CDH13: variants seen among roughly 807,000 people sequenced by gnomAD.
CDH13 encodes the protein cadherin 13.
Under a neutral mutation model 63.8 loss-of-function variants are expected in CDH13, and 24 were observed. That is an observed-to-expected ratio of 0.38 (90% CI 0.27 to 0.53). The LOEUF (loss-of-function observed/expected upper bound fraction) is 0.53. Among genes scored for constraint, CDH13 ranks in the 20% least tolerant of loss-of-function variants. The pLI, the probability that CDH13 is intolerant of heterozygous loss-of-function variation, is 0.85. For missense variants in CDH13, 1,049 were observed against 903.1 expected (o/e 1.16, Z -2.07); for synonymous variants, 503 against 355.3 (o/e 1.42, Z -4.67).
At position 82,685,697 on chromosome 16, in the gene CDH13, G is replaced by A. The variant is rs576629358; in HGVS notation, c.45+58560G>A. Among the ~76,000 whole-genome samples the A allele has an allele frequency of 3.3e-5, 5 of 152,300 alleles. No homozygotes were observed. In the South Asian group the frequency reaches 1.0e-3, roughly 32 times the overall value. On this transcript the variant is annotated intron_variant, in intron 1 of 13. Transcript: ENST00000567109. Reference sequence around the variant, plus strand: ...TTGCAGTCTGTGAGGGGGCCAGCAGGTGTTCAACCCCGCCTGGCTCAGGCA... The same window carrying A: ...TTGCAGTCTGTGAGGGGGCCAGCAGATGTTCAACCCCGCCTGGCTCAGGCA...
intron 4 of CDH13, among the ~76,000 whole-genome samples, chr16:83,132,452 C>CAAA (rs2036097420): frequency 1.0e-5 from 1 of 96,872 alleles, no homozygotes; most frequent in African/African-American, 4.4e-5. Context: ...AACACCCCCC[C>CAAA]CTTTTTTTTT....
rs558859652 is a variant in CDH13 at position 83,394,533 on chromosome 16, G to A, written c.781+49527G>A. ...AGTGAGAAGGGGAGCAGAAGCAGGGGGAGCAGATCACATCCAACTGTGCAG... is the reference window on the plus strand; with the variant it reads ...AGTGAGAAGGGGAGCAGAAGCAGGGAGAGCAGATCACATCCAACTGTGCAG... On this transcript the variant is annotated intron_variant, in intron 6 of 13. Coordinates refer to ENST00000567109, the MANE Select transcript of CDH13 (RefSeq NM_001257.5). Among the ~76,000 whole-genome samples, 27 of 152,282 alleles carry A rather than the reference G, an allele frequency of 1.8e-4. 1 individual carries two copies. The South Asian group carries it at 5.4e-3, about 30-fold the overall frequency.
intron 3 of CDH13, among the ~76,000 whole-genome samples, chr16:83,083,959 A>T (rs1046400088): frequency 6.6e-6 from 1 of 152,208 alleles, no homozygotes; most frequent in Admixed American, 6.5e-5. Context: ...CCCTTTACCA[A>T]TTGCAGCTGT....
At chr16:82,801,726 G>A (rs1039123401) in intron 1 of CDH13, among the ~76,000 whole-genome samples, 1 of 152,182 alleles carries the variant, frequency 6.6e-6, no homozygotes, top group East Asian at 1.9e-4. Context: ...ATTATTCCAT[G>A]TTACTTCAAT....
At chr16:83,305,234 C>G (rs1011132952) in intron 5 of CDH13, among the ~76,000 whole-genome samples, 17 of 152,164 alleles carry the variant, frequency 1.1e-4, no homozygotes, top group Admixed American at 7.2e-4. Context: ...AAGGACTGTC[C>G]TGCTGTTGAT....
chr16:82,695,430 G>T (rs7197632), intron 1 of CDH13, among the ~76,000 whole-genome samples: 9,522 of 152,104 alleles, frequency 0.063, 415 homozygotes, highest in Middle Eastern at 0.11. Flanking sequence ...TTCTCCCTTC[G>T]ATCTGTTCCT....
At chr16:83,326,893 C>G (rs2090375248) in intron 5 of CDH13, among the ~76,000 whole-genome samples, 1 of 152,134 alleles carries the variant, frequency 6.6e-6, no homozygotes, top group Non-Finnish European at 1.5e-5. Context: ...GTGGGGGTAT[C>G]TGGCCAAAGG....
chr16:82,913,109 T>C (rs2041883547), intron 2 of CDH13, among the ~76,000 whole-genome samples: 1 of 152,174 alleles, frequency 6.6e-6, no homozygotes, highest in African/African-American at 2.4e-5. Flanking sequence ...GAGTAAGTGT[T>C]GGTTTAAGTA....
chr16:82,876,901 A>C (rs985226821), intron 2 of CDH13, among the ~76,000 whole-genome samples: 3 of 152,174 alleles, frequency 2.0e-5, no homozygotes, highest in African/African-American at 7.2e-5. Flanking sequence ...CTGACCATAG[A>C]AAAAAAGTAT....
chr16:82,711,510 T>C (rs1431452069), intron 1 of CDH13, among the ~76,000 whole-genome samples: 1 of 152,190 alleles, frequency 6.6e-6, no homozygotes, highest in African/African-American at 2.4e-5. Context: ...CAAGAGGTGA[T>C]GCCACTTGAA....
intron 11 of CDH13, among the ~76,000 whole-genome samples, chr16:83,775,959 G>T (rs1915082041): frequency 1.3e-5 from 2 of 152,128 alleles, no homozygotes; most frequent in Non-Finnish European, 2.9e-5. Flanking sequence ...AAATGGGCTT[G>T]TGAGGAATTT....
At chr16:83,414,679 C>G (rs540037388) in intron 6 of CDH13, among the ~76,000 whole-genome samples, 21 of 152,330 alleles carry the variant, frequency 1.4e-4, no homozygotes, top group African/African-American at 4.3e-4. Flanking sequence ...ATTAGTCTTT[C>G]TGAGACTGGT....
intron 5 of CDH13, among the ~76,000 whole-genome samples, chr16:83,269,801 G>A (rs966583152): frequency 6.6e-6 from 1 of 152,170 alleles, no homozygotes; most frequent in Non-Finnish European, 1.5e-5. Context: ...TCACTATCAA[G>A]AGGAGGATTG....
intron 1 of CDH13, among the ~76,000 whole-genome samples, chr16:82,718,482 G>A (rs1203190626): frequency 6.6e-6 from 1 of 152,178 alleles, no homozygotes; most frequent in East Asian, 1.9e-4. Flanking sequence ...GAAGAAGAAG[G>A]AGAAAGTGTT....
At chr16:83,249,020 G>C (rs1164713325) in intron 5 of CDH13, among the ~76,000 whole-genome samples, 1 of 152,114 alleles carries the variant, frequency 6.6e-6, no homozygotes, top group African/African-American at 2.4e-5. Context: ...TTATACTCAG[G>C]GACTGTAGTG....
At chr16:83,389,141 C>A (rs1323051646) in intron 6 of CDH13, among the ~76,000 whole-genome samples, 1 of 152,164 alleles carries the variant, frequency 6.6e-6, no homozygotes, top group Admixed American at 6.5e-5. Context: ...GGGTATGCAT[C>A]AGAATCACTC....
At chr16:83,604,553 T>A (rs1199200588) in intron 8 of CDH13, among the ~76,000 whole-genome samples, 2 of 152,242 alleles carry the variant, frequency 1.3e-5, no homozygotes, top group Admixed American at 1.3e-4. Context: ...TGTGTTTCTC[T>A]AACAGGGTTA....
Position 83,247,773 on chromosome 16 carries a change from C to A in CDH13, c.636+30276C>A, listed in dbSNP as rs1342153782. 2.6e-5 allele frequency among the ~76,000 whole-genome samples: 4 copies of A among 152,086 alleles called. No individual in the cohort carries two copies. The East Asian group carries it at 5.8e-4, about 22-fold the overall frequency. On this transcript the variant is annotated intron_variant, in intron 5 of 13. Transcript: ENST00000567109. ...TTATAAATCCTTTCAGTGGACAAAC[C>A]AATAACACTTCTATATTGAACCAGG...
intron 2 of CDH13, among the ~76,000 whole-genome samples, chr16:83,015,298 A>G (rs1321867821): frequency 6.6e-6 from 1 of 151,996 alleles, no homozygotes; most frequent in East Asian, 1.9e-4. Flanking sequence ...TTTAAAGACT[A>G]TCCACTGAGA....
Sources: allele counts gnomAD v4.1 joint callset (sites outside exome capture counted in the v4.1 genomes callset), GRCh38; gene constraint gnomAD v4.1.1; transcripts MANE v1.5; gene names NCBI Gene and HGNC (gene_info 2026-07-23, HGNC 2026-07-21).